LRP6: variants seen among roughly 807,000 people sequenced by gnomAD.
LRP6 encodes low-density lipoprotein receptor-related protein 6.
LRP6 carries 43 observed loss-of-function variants against 184.1 expected under a neutral mutation model. That is an observed-to-expected ratio of 0.23 (90% confidence interval 0.18 to 0.30). The LOEUF (loss-of-function observed/expected upper bound fraction) is 0.30. Among genes scored for constraint, LRP6 ranks in the 10% least tolerant of loss-of-function variants. The pLI is 1.00. For missense variants in LRP6, 1,571 were observed against 2,005.3 expected, an observed-to-expected ratio of 0.78 and a Z score of 4.14; for synonymous variants, 719 against 684.9, an observed-to-expected ratio of 1.05 and a Z score of -0.78.
intron 1 of LRP6, among the ~76,000 whole-genome samples, chr12:12,250,483 CTT>C (rs58190351): frequency 2.1e-4 from 30 of 145,988 alleles, no homozygotes; most frequent in African/African-American, 6.2e-4. Context: ...ATGATATTAG[CTT>C]TTTTTTTTTT....
At chr12:12,188,574 G>A (rs560274455) in intron 3 of LRP6, among the ~76,000 whole-genome samples, 6 of 152,254 alleles carry the variant, frequency 3.9e-5, no homozygotes, top group Middle Eastern at 3.4e-3. Context: ...CAGGATTACC[G>A]TCTGTGATTG....
intron 12 of LRP6, among the ~76,000 whole-genome samples, chr12:12,153,674 C>T (rs1950111093): frequency 6.6e-6 from 1 of 152,150 alleles, no homozygotes; most frequent in Non-Finnish European, 1.5e-5. Context: ...ATTTTAAAAG[C>T]CTAAATCCAC....
At chr12:12,225,170 G>C (rs184083402) in intron 2 of LRP6, among the ~76,000 whole-genome samples, 1 of 152,106 alleles carries the variant, frequency 6.6e-6, no homozygotes, top group African/African-American at 2.4e-5. Context: ...CCAAAATCAC[G>C]CCACTGCACT....
At chr12:12,176,849 T>C (rs1447078716) in intron 7 of LRP6, among the ~76,000 whole-genome samples, 1 of 148,956 alleles carries the variant, frequency 6.7e-6, no homozygotes, top group Non-Finnish European at 1.5e-5. Context: ...CAAACTTTTT[T>C]TTTTTTTTTT....
chr12:12,227,409 C>CT (rs776157812), intron 2 of LRP6, among the ~76,000 whole-genome samples: 1,803 of 139,764 alleles, frequency 0.013, 23 homozygotes, highest in African/African-American at 0.036. Context: ...CTTTCTTTTC[C>CT]TTTTTTTTTT....
rs1949761662 is a variant in LRP6, at chr12:12,131,762, T to C, written c.3970+59A>G. 5 of 1,458,346 alleles carry C rather than the reference T, an allele frequency of 3.4e-6. No homozygotes were observed. The East Asian group carries it at 1.1e-4, about 33-fold the overall frequency. 90.3% of individuals were successfully genotyped at this position (1,458,346 alleles called of 1,614,324 possible). ...ACACTAAGCCAAGTAATACTGAAGTTTAAACAACTGAATGGGAAAAAAGGA... is the reference window on the plus strand; with the variant it reads ...ACACTAAGCCAAGTAATACTGAAGTCTAAACAACTGAATGGGAAAAAAGGA... On this transcript the variant is annotated intron_variant, in intron 18 of 22. Coordinates refer to ENST00000261349, the MANE Select transcript of LRP6 (RefSeq NM_002336.3).
In LRP6 at chr12:12,247,488, C is replaced by T. The variant is rs1455889391; in HGVS notation, c.56-2833G>A. ...CTGAGTCTCTTCTCCCTCCTGAAAA[C>T]GGGTGAAGGAGGCAAAGTTAATCTT... On this transcript the variant is annotated intron_variant, in intron 1 of 22. Transcript: ENST00000261349. Among the ~76,000 whole-genome samples, 5 of 152,226 alleles carry T rather than the reference C, an allele frequency of 3.3e-5. 1 individual carries two copies. The highest frequency in any genetic ancestry group is 1.3e-4 in the Admixed American group (2 of 15,286).
chr12:12,196,998 A>G (rs1466184223), intron 3 of LRP6, among the ~76,000 whole-genome samples: 4 of 152,132 alleles, frequency 2.6e-5, no homozygotes, highest in Non-Finnish European at 5.9e-5. Context: ...CATATCTACT[A>G]TTTTGTTAGC....
At chr12:12,203,528 AGGC>A in intron 2 of LRP6, 128 bp from the exon 3 acceptor site, 4 of 728,176 alleles carry the variant, frequency 5.5e-6, no homozygotes, top group Non-Finnish European at 9.3e-6. Context: ...GCACTCTGGG[AGGC>A]TGAGGCAGGC....
intron 3 of LRP6, among the ~76,000 whole-genome samples, chr12:12,200,850 C>G (rs757132481): frequency 6.6e-6 from 1 of 152,162 alleles, no homozygotes; most frequent in Non-Finnish European, 1.5e-5. Flanking sequence ...ATAAGTGATT[C>G]GCAGCCTCCT....
intron 1 of LRP6, among the ~76,000 whole-genome samples, chr12:12,263,175 G>C (rs1425066420): frequency 6.6e-6 from 1 of 151,678 alleles, no homozygotes; most frequent in Non-Finnish European, 1.5e-5. Flanking sequence ...TGAGGTAGGA[G>C]TATCGCTTGA....
At chr12:12,179,417 G>GAT (rs1863286937) in intron 7 of LRP6, among the ~76,000 whole-genome samples, 1 of 125,870 alleles carries the variant, frequency 7.9e-6, no homozygotes, top group African/African-American at 2.8e-5. Context: ...TATAGATATA[G>GAT]ATATACACAT....
Position 12,203,343 on chromosome 12 carries a change from A to G in LRP6, c.507T>C (p.Asp169=). The change falls in exon 3 of 23, where the codon GAT becomes GAC. Residue 169 remains aspartate (D), a synonymous_variant. Transcript: ENST00000261349. ...TTATTATAATGAAGCGACTTGAACC[A>G]TCCATTCCAGCACGTTCTATCTTTG... ...EVPKIERAGM[D]GSSRFIIINS... is the part of the protein sequence containing the mutation. 1 of 1,614,122 alleles carries G rather than the reference A, an allele frequency of 6.2e-7. No individual in the cohort carries two copies. The highest frequency in any genetic ancestry group is 8.5e-7 in the Non-Finnish European group (1 of 1,179,964).
chr12:12,235,450 C>A (rs190107541), intron 2 of LRP6, among the ~76,000 whole-genome samples: 1 of 152,240 alleles, frequency 6.6e-6, no homozygotes, highest in Non-Finnish European at 1.5e-5. Context: ...GAAAATACAG[C>A]CGGGAGCAGT....
At chr12:12,203,793 C>T (rs1169458231) in intron 2 of LRP6, among the ~76,000 whole-genome samples, 1 of 151,730 alleles carries the variant, frequency 6.6e-6, no homozygotes, top group African/African-American at 2.4e-5. Flanking sequence ...ACAAACAAAA[C>T]AAAAAAACAC....
Position 12,149,100 on chromosome 12 carries a change from G to A in LRP6, c.3048C>T (p.Pro1016=), listed in dbSNP as rs776380805. 3.1e-6 allele frequency: 5 copies of A among 1,614,030 alleles called. No individual in the cohort carries two copies. The highest frequency in any genetic ancestry group is 4.2e-6 in the Non-Finnish European group (5 of 1,179,998). The change falls in exon 14 of 23, where the codon CCC becomes CCT. Residue 1016 remains proline, a synonymous_variant. Coordinates refer to ENST00000261349, the MANE Select transcript of LRP6 (RefSeq NM_002336.3). ...TGTAAATATCAATGCTGAGGTCATA[G>A]GGTTGTATTTCCAGGTTCTGACTCG... ...SVPSQNLEIQ[P]YDLSIDIYSR...
intron 9 of LRP6, 130 bp downstream of exon 9, chr12:12,164,143 A>C: frequency 1.2e-6 from 1 of 839,352 alleles, no homozygotes; most frequent in African/African-American, 1.7e-5. Flanking sequence ...AAAAAAAAAA[A>C]AACTTGAGGG....
chr12:12,146,660 T>C (rs931141246), intron 15 of LRP6, among the ~76,000 whole-genome samples: 1 of 152,250 alleles, frequency 6.6e-6, no homozygotes, highest in African/African-American at 2.4e-5. Context: ...CTAGACTTTT[T>C]TCCTACAGGT....
intron 16 of LRP6, 31 bp from the exon 17 acceptor site, chr12:12,135,331 G>A: frequency 6.4e-7 from 1 of 1,559,194 alleles, no homozygotes; most frequent in South Asian, 1.1e-5. Context: ...GATGGGGAGA[G>A]GAGGGGGAGT....
Sources: allele counts gnomAD v4.1 joint callset (sites outside exome capture counted in the v4.1 genomes callset), GRCh38; gene constraint gnomAD v4.1.1; transcripts MANE v1.5; gene names NCBI Gene and HGNC (gene_info 2026-07-23, HGNC 2026-07-21).